The following TRIM44 variants were observed in gnomAD, a reference collection of about 807,000 sequenced individuals.
The protein encoded by TRIM44 is tripartite motif-containing protein 44.
Under a neutral mutation model 37.4 loss-of-function variants are expected in TRIM44, and 13 were observed. The observed-to-expected ratio is 0.35, with a 90% CI of 0.23 to 0.55. The LOEUF is 0.55. TRIM44 is among the 20% of genes least tolerant of loss of function. TRIM44 has a pLI of 0.89. For missense variants in TRIM44, 426 were observed against 437.2 expected (o/e 0.97, Z 0.23); for synonymous variants, 175 against 157.2 (o/e 1.11, Z -0.85).
intron 2 of TRIM44, among the ~76,000 whole-genome samples, chr11:35,706,097 A>C (rs1339552613): frequency 6.7e-6 from 1 of 149,118 alleles, no homozygotes; most frequent in Non-Finnish European, 1.5e-5. Context: ...CCGATCCCAC[A>C]GAAATGCAAA....
At chr11:35,684,697 G>A (rs1403280256) in intron 1 of TRIM44, among the ~76,000 whole-genome samples, 1 of 152,008 alleles carries the variant, frequency 6.6e-6, no homozygotes, top group Non-Finnish European at 1.5e-5. Context: ...TTTTTTTGGT[G>A]TTGAACTCCT....
chr11:35,704,943 T>C (rs1463265728), intron 2 of TRIM44, among the ~76,000 whole-genome samples: 2 of 149,102 alleles, frequency 1.3e-5, no homozygotes, highest in African/African-American at 2.5e-5. Context: ...GACTAAATGC[T>C]CCAATTAAAA....
chr11:35,706,089 G>A lies in TRIM44; in HGVS notation c.748-19835G>A, dbSNP rs373576894. Among the ~76,000 whole-genome samples the A allele has an allele frequency of 1.3e-4, 19 of 148,748 alleles. 2 individuals carry two copies. The highest frequency in any genetic ancestry group is 2.3e-4 in the Non-Finnish European group (15 of 66,052). ...AAATGATAAAGGGGATATCACCACCGATCCCACAGAAATGCAAACTATCAT... is the reference window on the plus strand; with the variant it reads ...AAATGATAAAGGGGATATCACCACCAATCCCACAGAAATGCAAACTATCAT... On this transcript the variant is annotated intron_variant, in intron 2 of 4. Coordinates refer to ENST00000299413, the MANE Select transcript of TRIM44 (RefSeq NM_017583.6).
chr11:35,725,746 G>A (rs11033258), intron 2 of TRIM44, among the ~76,000 whole-genome samples, 178 bp from the exon 3 acceptor site: 1 of 152,154 alleles, frequency 6.6e-6, no homozygotes. Context: ...AAGGCAAAAA[G>A]ATTAGCAGGA....
At chr11:35,721,790 C>T (rs1157476033) in intron 2 of TRIM44, among the ~76,000 whole-genome samples, 1 of 152,144 alleles carries the variant, frequency 6.6e-6, no homozygotes, top group Non-Finnish European at 1.5e-5. Flanking sequence ...TGTTTCTAGG[C>T]TGCTGAATAA....
chr11:35,752,318 T>TA (rs1318663506), intron 4 of TRIM44, among the ~76,000 whole-genome samples: 2 of 152,058 alleles, frequency 1.3e-5, no homozygotes, highest in African/African-American at 4.8e-5. Context: ...TGGCCACTCT[T>TA]ACTCATTCTT....
intron 2 of TRIM44, among the ~76,000 whole-genome samples, chr11:35,693,045 G>C (rs916332928): frequency 1.3e-5 from 2 of 152,270 alleles, no homozygotes; most frequent in Non-Finnish European, 2.9e-5. Flanking sequence ...AGAGACTCCA[G>C]GGGTGCCTCG....
Position 35,777,916 on chromosome 11 carries a change from G to A in TRIM44, c.1008-28442G>A, listed in dbSNP as rs558610957. ...TTTTCCTTCATTTCAGCTTTGGTGA[G>A]TCTGACAATTATGTGTCTTGGAGTT... On this transcript the variant is annotated intron_variant, in intron 4 of 4. Coordinates refer to ENST00000299413, the MANE Select transcript of TRIM44 (RefSeq NM_017583.6). 4.6e-5 allele frequency among the ~76,000 whole-genome samples: 7 copies of A among 152,168 alleles called. No individual in the cohort carries two copies. The South Asian group carries it at 6.2e-4, about 14-fold the overall frequency.
intron 2 of TRIM44, among the ~76,000 whole-genome samples, chr11:35,699,491 A>G (rs968370575): frequency 1.3e-5 from 2 of 152,084 alleles, no homozygotes; most frequent in African/African-American, 4.8e-5. Flanking sequence ...CCCACAGCCA[A>G]TATCATACTG....
intron 2 of TRIM44, among the ~76,000 whole-genome samples, chr11:35,686,538 TTTTGTTTG>T (rs749402169): frequency 6.6e-6 from 1 of 152,014 alleles, no homozygotes; most frequent in Non-Finnish European, 1.5e-5. Context: ...CACTTTGGTT[TTTTGTTTG>T]TTTGTTTGTT....
At chr11:35,682,425 C>G (rs961434114) in intron 1 of TRIM44, among the ~76,000 whole-genome samples, 1 of 152,084 alleles carries the variant, frequency 6.6e-6, no homozygotes, top group Non-Finnish European at 1.5e-5. Flanking sequence ...GGGCCAGAGT[C>G]CTCCATTTGG....
chr11:35,710,845 A>G (rs1332425426), intron 2 of TRIM44, among the ~76,000 whole-genome samples: 3 of 152,166 alleles, frequency 2.0e-5, no homozygotes, highest in Admixed American at 2.0e-4. Context: ...TCTGCCAAAG[A>G]GGCGTATTTT....
In TRIM44 at chr11:35,810,650, A is replaced by G. The variant is rs187364527; in HGVS notation, c.*4265A>G. On this transcript the variant is annotated 3_prime_UTR_variant, in exon 5 of 5. Coordinates refer to ENST00000299413, the MANE Select transcript of TRIM44 (RefSeq NM_017583.6). The stretch of plus-strand genomic sequence containing the variant: ...CAGAAAAATGAAAATAAGTGGAGAC[A>G]CTTATGGATACATTGGTGCAAAAAA... 6.6e-6 allele frequency: 1 copy of G among 152,342 alleles called. No homozygotes were observed. The highest frequency in any genetic ancestry group is 1.9e-4 in the East Asian group (1 of 5,184). 9.4% of individuals were successfully genotyped at this position (152,342 alleles called of 1,614,324 possible). A position where few individuals can be genotyped will look rare whatever the true frequency, so the allele number is the denominator to read the frequency against.
rs1852315842 is a variant in TRIM44, at chr11:35,735,412, T to C, written c.988-14T>C. 6.2e-7 allele frequency: 1 copy of C among 1,613,646 alleles called. No individual in the cohort carries two copies. ...AGTGATTTCTAATACTGTTTCTTTC[T>C]GTTTGTCTTTCAGGGCGATGAGGAA... On this transcript the variant is annotated splice_polypyrimidine_tract_variant and intron_variant, in intron 3 of 4. Transcript: ENST00000299413.
chr11:35,680,655 C>G (rs1292376552), intron 1 of TRIM44, among the ~76,000 whole-genome samples: 9 of 152,148 alleles, frequency 5.9e-5, no homozygotes, highest in Admixed American at 5.9e-4. Flanking sequence ...GCATCCTTGA[C>G]ACAGGTGCTA....
Position 35,747,925 on chromosome 11 carries a change from G to A in TRIM44, c.1007+12480G>A, listed in dbSNP as rs1024453997. Among the ~76,000 whole-genome samples the A allele has an allele frequency of 5.3e-5, 8 of 151,926 alleles. No individual in the cohort carries two copies. The East Asian group carries it at 1.4e-3, about 26-fold the overall frequency. ...AATGGGGGGATAATTGTTGCAGGAG[G>A]GAAAACTTAGCAATTACCGGCAAGT... On this transcript the variant is annotated intron_variant, in intron 4 of 4. Transcript: ENST00000299413.
At chr11:35,680,466 A>G (rs1851509839) in intron 1 of TRIM44, among the ~76,000 whole-genome samples, 1 of 152,040 alleles carries the variant, frequency 6.6e-6, no homozygotes, top group Admixed American at 6.6e-5. Flanking sequence ...TAAATTCAAC[A>G]ATATGTCATG....
chr11:35,770,029 A>C (rs1038877370), intron 4 of TRIM44, among the ~76,000 whole-genome samples: 11 of 152,178 alleles, frequency 7.2e-5, no homozygotes, highest in Middle Eastern at 3.4e-3. Flanking sequence ...TGAGTGTAGT[A>C]CCTAATAGTT....
chr11:35,768,728 G>A (rs918711746), intron 4 of TRIM44, among the ~76,000 whole-genome samples: 2 of 152,190 alleles, frequency 1.3e-5, no homozygotes, highest in African/African-American at 4.8e-5. Context: ...ATTGATGTAT[G>A]TAATAAAACT....
Sources: gnomAD v4.1 joint callset for allele counts (sites outside exome capture counted in the v4.1 genomes callset) on GRCh38, gnomAD v4.1.1 for gene constraint, MANE v1.5 for transcripts, NCBI Gene and HGNC (gene_info 2026-07-23, HGNC 2026-07-21) for gene names.